The following RHOBTB1 variants were observed in gnomAD, a reference collection of about 807,000 sequenced individuals.
The protein encoded by RHOBTB1 is Rho related BTB domain containing 1.
Under a neutral mutation model 71.6 loss-of-function variants are expected in RHOBTB1, and 40 were observed. That is an observed-to-expected ratio of 0.56 (90% CI 0.43 to 0.73). The LOEUF is 0.73. Ranked by LOEUF, RHOBTB1 falls within the 30% of genes least tolerant of loss-of-function variation. RHOBTB1 has a pLI of 0.00. For synonymous variants in RHOBTB1, 319 were observed against 334.9 expected, an observed-to-expected ratio of 0.95 and a Z score of 0.52; for missense variants, 797 against 894.0, an observed-to-expected ratio of 0.89 and a Z score of 1.38.
At chr10:60,867,432 C>T (rs140776610), downstream of RHOBTB1, among the ~76,000 whole-genome samples, 1 of 152,264 alleles carries the variant, frequency 6.6e-6, no homozygotes, top group African/African-American at 2.4e-5. Context: ...AAGCATGGGG[C>T]CACATTTAGG....
At chr10:60,886,747 A>G (rs1447272800) in intron 6 of RHOBTB1, among the ~76,000 whole-genome samples, 1 of 151,226 alleles carries the variant, frequency 6.6e-6, no homozygotes, top group Non-Finnish European at 1.5e-5. Flanking sequence ...TATGTTGTCC[A>G]GGCTGGATTT....
At chr10:60,932,258 T>A (rs2084298591) in intron 2 of RHOBTB1, among the ~76,000 whole-genome samples, 1 of 152,074 alleles carries the variant, frequency 6.6e-6, no homozygotes, top group African/African-American at 2.4e-5. Context: ...AGTAGCTAGC[T>A]CATATAAAGT....
chr10:60,886,421 T>C (rs2081578716), intron 6 of RHOBTB1, among the ~76,000 whole-genome samples, 191 bp from the exon 7 acceptor site: 1 of 152,150 alleles, frequency 6.6e-6, no homozygotes, highest in Non-Finnish European at 1.5e-5. Flanking sequence ...GCATGCTGTA[T>C]TTGACATCAT....
At chr10:60,910,151 A>C (rs904966368) in intron 4 of RHOBTB1, among the ~76,000 whole-genome samples, 2 of 152,182 alleles carry the variant, frequency 1.3e-5, no homozygotes, top group African/African-American at 4.8e-5. Flanking sequence ...AAGTGGTAAA[A>C]AAAAAGTCTC....
chr10:60,877,648 C>T (rs571065801), intron 8 of RHOBTB1, among the ~76,000 whole-genome samples: 1 of 152,304 alleles, frequency 6.6e-6, no homozygotes, highest in Admixed American at 6.5e-5. Flanking sequence ...GCGTGTGCCT[C>T]AAGGGCAGGG....
intron 2 of RHOBTB1, among the ~76,000 whole-genome samples, chr10:60,918,418 C>T (rs1199451770): frequency 1.3e-5 from 2 of 152,140 alleles, no homozygotes; most frequent in African/African-American, 4.8e-5. Flanking sequence ...CTGCGCATGC[C>T]CACTCCCTCA....
At chr10:60,991,471 C>T (rs936866353) in intron 1 of RHOBTB1, among the ~76,000 whole-genome samples, 23 of 148,816 alleles carry the variant, frequency 1.5e-4, no homozygotes, top group Non-Finnish European at 5.9e-5. Flanking sequence ...TGCTCTGTCA[C>T]GCAGGCTGGA....
intron 4 of RHOBTB1, among the ~76,000 whole-genome samples, chr10:60,905,136 T>A (rs1200594473): frequency 6.7e-6 from 1 of 149,496 alleles, no homozygotes; most frequent in African/African-American, 2.5e-5. Flanking sequence ...ACTTCAGTGA[T>A]CCAGATAATA....
chr10:60,938,210 G>A (rs756359768), intron 2 of RHOBTB1, among the ~76,000 whole-genome samples: 3 of 152,144 alleles, frequency 2.0e-5, no homozygotes, highest in Admixed American at 6.6e-5. Flanking sequence ...ATCTTTGCAC[G>A]ACTGGAATTC....
chr10:60,980,188 C>G (rs1391219645), intron 2 of RHOBTB1, among the ~76,000 whole-genome samples: 1 of 152,094 alleles, frequency 6.6e-6, no homozygotes, highest in African/African-American at 2.4e-5. Context: ...TTTGCATTAG[C>G]TTAATGAATA....
At chr10:60,954,610 T>C (rs1325776891) in intron 2 of RHOBTB1, among the ~76,000 whole-genome samples, 1 of 152,160 alleles carries the variant, frequency 6.6e-6, no homozygotes, top group African/African-American at 2.4e-5. Flanking sequence ...TGTTTAAAAT[T>C]CAAGTGTCAG....
chr10:60,950,203 T>C (rs1181400703), intron 2 of RHOBTB1, among the ~76,000 whole-genome samples: 1 of 152,124 alleles, frequency 6.6e-6, no homozygotes, highest in Non-Finnish European at 1.5e-5. Flanking sequence ...ATGTCACAAC[T>C]CTAGAAAAGA....
intron 2 of RHOBTB1, among the ~76,000 whole-genome samples, chr10:60,972,704 G>T (rs1180244380): frequency 6.6e-6 from 1 of 151,922 alleles, no homozygotes; most frequent in Non-Finnish European, 1.5e-5. Flanking sequence ...AAAAAAGAGA[G>T]AAAACTAATA....
At chr10:60,989,630 C>T (rs1296225775) in intron 1 of RHOBTB1, among the ~76,000 whole-genome samples, 4 of 152,202 alleles carry the variant, frequency 2.6e-5, no homozygotes, top group African/African-American at 9.6e-5. Context: ...TGCCTTAGCA[C>T]CTTGTTTCCT....
intron 6 of RHOBTB1, among the ~76,000 whole-genome samples, chr10:60,887,844 C>T (rs2081664026): frequency 6.6e-6 from 1 of 152,122 alleles, no homozygotes; most frequent in Non-Finnish European, 1.5e-5. Flanking sequence ...TGGAGATAGG[C>T]TTGGGGTCCC....
At position 60,968,983 on chromosome 10, in the gene RHOBTB1, A is replaced by AT. The variant is rs1053689918; in HGVS notation, c.-62+16861dup. Among the ~76,000 whole-genome samples the AT allele has an allele frequency of 5.3e-5, 8 of 152,204 alleles. No homozygotes were observed. The South Asian group carries it at 6.2e-4, about 12-fold the overall frequency. On this transcript the variant is annotated intron_variant, in intron 2 of 11. Transcript: ENST00000357917. ...TGCCCGTGTTCTTGTTATTGTCAAT[A>AT]TTTTTTAAAAATCAGGTATTTGAAT...
rs73280532 is a variant in RHOBTB1 at position 60,879,340 on chromosome 10, C to A, written c.1576-1282G>T. On this transcript the variant is annotated intron_variant, in intron 7 of 10. Transcript: ENST00000337910. ...GATGAACAATTATGAGCTTCTTTTTCTTTCTTTTTTATTTTAGTTTTTTTG... is the reference window on the plus strand; with the variant it reads ...GATGAACAATTATGAGCTTCTTTTTATTTCTTTTTTATTTTAGTTTTTTTG... Among the ~76,000 whole-genome samples, 482 of 152,028 alleles carry A rather than the reference C, an allele frequency of 3.2e-3. 2 individuals carry two copies. Among genetic ancestry groups the A allele is most frequent in the African/African-American group, 0.011 (448 of 41,472 alleles).
chr10:60,938,415 T>C (rs936126759), intron 2 of RHOBTB1, among the ~76,000 whole-genome samples: 2 of 152,284 alleles, frequency 1.3e-5, no homozygotes, highest in African/African-American at 4.8e-5. Context: ...ATGAGAGTAG[T>C]CAAGTTACGT....
chr10:60,865,024 T>C (rs2080630786), downstream of RHOBTB1, among the ~76,000 whole-genome samples: 1 of 152,126 alleles, frequency 6.6e-6, no homozygotes, highest in African/African-American at 2.4e-5. Flanking sequence ...CTCAGGTGTA[T>C]AAAGAGAAGT....
Sources: gnomAD v4.1 joint callset for allele counts (sites outside exome capture counted in the v4.1 genomes callset) on GRCh38, gnomAD v4.1.1 for gene constraint, MANE v1.5 for transcripts, NCBI Gene and HGNC (gene_info 2026-07-23, HGNC 2026-07-21) for gene names.